FSHR: variants seen among roughly 807,000 people sequenced by gnomAD.
FSHR encodes follicle stimulating hormone receptor, also known as follicle-stimulating hormone receptor.
Under a neutral mutation model 52.1 loss-of-function variants are expected in FSHR, and 46 were observed. The observed-to-expected ratio is 0.88, with a 90% confidence interval of 0.70 to 1.13. FSHR has a LOEUF of 1.13. Ranked by LOEUF, FSHR falls within the 50% of genes most tolerant of loss-of-function variation. The pLI, the probability that FSHR is intolerant of heterozygous loss-of-function variation, is 0.00. For synonymous variants in FSHR, 399 were observed against 309.6 expected (o/e 1.29, Z -3.03); for missense variants, 964 against 834.6 (o/e 1.16, Z -1.91).
At chr2:49,038,052 CAA>C (rs1243543010) in intron 2 of FSHR, among the ~76,000 whole-genome samples, 1 of 151,926 alleles carries the variant, frequency 6.6e-6, no homozygotes, top group African/African-American at 2.4e-5. Context: ...ACATAAGCAA[CAA>C]GAGATATCAA....
At chr2:49,049,824 A>AATATATATATATATATATATAT (rs5831020) in intron 2 of FSHR, among the ~76,000 whole-genome samples, 25 of 144,886 alleles carry the variant, frequency 1.7e-4, no homozygotes, top group African/African-American at 6.4e-4. Context: ...CCCCTACTCT[A>AATATATATATATATATATATAT]ATATATATAT....
Position 49,020,545 on chromosome 2 carries a change from T to G in FSHR, c.225-385A>C, listed in dbSNP as rs72877807. Among the ~76,000 whole-genome samples the G allele has an allele frequency of 4.1e-3, 623 of 152,160 alleles. 3 individuals carry two copies. The highest frequency in any genetic ancestry group is 0.015 in the African/African-American group (605 of 41,524). Reference sequence around the variant, plus strand: ...TTTTACAGGGCTAGATAGTAAATACTTTTTTGCCCTTGCTGTGGTATTTGG... The same window carrying G: ...TTTTACAGGGCTAGATAGTAAATACGTTTTTGCCCTTGCTGTGGTATTTGG... On this transcript the variant is annotated intron_variant, in intron 2 of 9. Coordinates refer to ENST00000406846, the MANE Select transcript of FSHR (RefSeq NM_000145.4).
chr2:49,107,311 C>T (rs1270811853), intron 1 of FSHR, among the ~76,000 whole-genome samples: 1 of 151,870 alleles, frequency 6.6e-6, no homozygotes, highest in Non-Finnish European at 1.5e-5. Flanking sequence ...ATTTGTCTTC[C>T]ATATGATCTC....
At chr2:48,986,393 C>CTTTTTTTTTT (rs34394877) in intron 6 of FSHR, among the ~76,000 whole-genome samples, 1 of 124,074 alleles carries the variant, frequency 8.1e-6, no homozygotes, top group Non-Finnish European at 1.6e-5. Flanking sequence ...ATTTGCCATG[C>CTTTTTTTTTT]TTTTTTTTTT....
chr2:49,075,291 C>A (rs1055650302), intron 1 of FSHR, among the ~76,000 whole-genome samples: 11 of 151,856 alleles, frequency 7.2e-5, no homozygotes, highest in Admixed American at 3.3e-4. Flanking sequence ...CTATGCTCCC[C>A]ATAAATATGT....
chr2:49,036,598 C>G (rs1264981529), intron 2 of FSHR, among the ~76,000 whole-genome samples: 1 of 152,124 alleles, frequency 6.6e-6, no homozygotes, highest in Non-Finnish European at 1.5e-5. Context: ...TTCTCAGCAT[C>G]TTGTTTCCAT....
At chr2:48,983,228 T>C (rs1306581622) in intron 6 of FSHR, 62 bp from the exon 7 acceptor site, 4 of 1,503,412 alleles carry the variant, frequency 2.7e-6, no homozygotes, top group African/African-American at 1.4e-5. Flanking sequence ...ACGGGTTTCA[T>C]AATTGGAAGC....
intron 2 of FSHR, among the ~76,000 whole-genome samples, chr2:49,036,143 C>T (rs1668264536): frequency 6.6e-6 from 1 of 152,142 alleles, no homozygotes; most frequent in African/African-American, 2.4e-5. Context: ...GGACATTAAT[C>T]AACATCTGTA....
intron 1 of FSHR, among the ~76,000 whole-genome samples, chr2:49,139,356 A>G (rs1672594156): frequency 6.6e-6 from 1 of 152,148 alleles, no homozygotes; most frequent in Admixed American, 6.5e-5. Context: ...TGAAGTGTGG[A>G]AGGTAGAATA....
chr2:48,978,604 A>T (rs977189772), intron 8 of FSHR, among the ~76,000 whole-genome samples: 2 of 152,212 alleles, frequency 1.3e-5, no homozygotes, highest in Non-Finnish European at 2.9e-5. Flanking sequence ...AGAAACAGCA[A>T]TTGTTCGATT....
chr2:49,015,697 CATG>C (rs1667462749), intron 4 of FSHR, among the ~76,000 whole-genome samples: 1 of 152,152 alleles, frequency 6.6e-6, no homozygotes, highest in Non-Finnish European at 1.5e-5. Flanking sequence ...CCCTAAGGAA[CATG>C]ATGAACTTAG....
At position 48,968,806 on chromosome 2, in the gene FSHR, G is replaced by A. The variant is rs1047417135; in HGVS notation, c.746C>T (p.Thr249Ile). Residue 249 changes from threonine to isoleucine, a missense_variant, in exon 9 of 10, where the codon ACT becomes ATT. Thr to Ile is a moderately conservative substitution (Grantham distance 89, BLOSUM62 -1). Coordinates refer to ENST00000406846, the MANE Select transcript of FSHR (RefSeq NM_000145.4). ...ENLKKLRARS[T>I]YNLKKLPTLE... ...AGTAGGCAGCTTTTTTAAGTTGTAA[G>A]TCGACCTGGCCCTCAGCTTCTTAAG... 12 of 1,614,002 alleles carry A rather than the reference G, an allele frequency of 7.4e-6. No homozygotes were observed. Among genetic ancestry groups the A allele is most frequent in the African/African-American group, 6.7e-5 (5 of 74,926 alleles).
intron 2 of FSHR, among the ~76,000 whole-genome samples, chr2:49,032,351 C>T (rs767610959): frequency 6.6e-6 from 1 of 152,168 alleles, no homozygotes; most frequent in African/African-American, 2.4e-5. Flanking sequence ...TAATACCAGG[C>T]CCCTCAAATC....
intron 8 of FSHR, among the ~76,000 whole-genome samples, chr2:48,972,972 A>T (rs1354800572): frequency 6.6e-6 from 1 of 151,578 alleles, no homozygotes. Flanking sequence ...GATGACTGCA[A>T]ATTCTTTTAC....
chr2:49,006,092 T>C (rs1667066536), intron 4 of FSHR, among the ~76,000 whole-genome samples: 1 of 152,158 alleles, frequency 6.6e-6, no homozygotes, highest in South Asian at 2.1e-4. Flanking sequence ...GATTTGGGAC[T>C]CAGACTGGCT....
chr2:48,964,992 GCAAA>G (rs764694078), intron 9 of FSHR, among the ~76,000 whole-genome samples: 83 of 93,280 alleles, frequency 8.9e-4, no homozygotes, highest in Admixed American at 4.5e-3. Context: ...CTTTTTGGAT[GCAAA>G]AAAAAAAAAA....
At chr2:49,111,714 A>C (rs969185472) in intron 1 of FSHR, among the ~76,000 whole-genome samples, 4 of 152,156 alleles carry the variant, frequency 2.6e-5, no homozygotes, top group Admixed American at 2.6e-4. Context: ...CTCCTCAGCA[A>C]GTGTCTATTA....
At chr2:49,073,213 A>G (rs961372526) in intron 1 of FSHR, among the ~76,000 whole-genome samples, 6 of 152,126 alleles carry the variant, frequency 3.9e-5, no homozygotes, top group African/African-American at 1.2e-4. Flanking sequence ...AGCCAGAGCA[A>G]TTAGGCAAGA....
chr2:49,055,546 A>C (rs1669027067), intron 2 of FSHR, among the ~76,000 whole-genome samples: 1 of 147,468 alleles, frequency 6.8e-6, no homozygotes, highest in African/African-American at 2.5e-5. Flanking sequence ...AAAAAAAAAA[A>C]AAAAAAAAAA....
Sources: allele counts gnomAD v4.1 joint callset (sites outside exome capture counted in the v4.1 genomes callset), GRCh38; gene constraint gnomAD v4.1.1; transcripts MANE v1.5; gene names NCBI Gene and HGNC (gene_info 2026-07-23, HGNC 2026-07-21).